Variants in SP110 observed in about 807,000 individuals in gnomAD.
The protein encoded by SP110 is SP110 nuclear body protein, also known as interferon-induced protein 41, 30kD.
In SP110, 62 loss-of-function variants were observed where a neutral mutation model predicts 92.7. The ratio of observed to expected loss-of-function variants is 0.67; its 90% CI spans 0.55 to 0.83. The LOEUF (loss-of-function observed/expected upper bound fraction) is 0.83. Among genes scored for constraint, SP110 ranks in the 40% least tolerant of loss-of-function variants. SP110 has a pLI of 0.00. For missense variants in SP110, 793 were observed against 863.9 expected (o/e 0.92, Z 1.03); for synonymous variants, 273 against 305.3 (o/e 0.89, Z 1.10).
intron 10 of SP110, among the ~76,000 whole-genome samples, chr2:230,191,190 A>G (rs983131221): frequency 6.6e-6 from 1 of 152,208 alleles, no homozygotes; most frequent in Non-Finnish European, 1.5e-5. Context: ...AGGAAGCTAG[A>G]AAGATCTCAA....
chr2:230,216,306 T>TA (rs1292854491), intron 2 of SP110, among the ~76,000 whole-genome samples: 1 of 152,216 alleles, frequency 6.6e-6, no homozygotes, highest in African/African-American at 2.4e-5. Flanking sequence ...AGGGTGACCC[T>TA]AAATCCAAGT....
upstream of SP110, among the ~76,000 whole-genome samples, chr2:230,220,553 C>G (rs1157621934): frequency 6.6e-6 from 1 of 152,126 alleles, no homozygotes; most frequent in Admixed American, 6.5e-5. Flanking sequence ...AGAAAAATGG[C>G]TGAGAGCTGG....
At chr2:230,198,850 G>A (rs1294179659) in intron 10 of SP110, among the ~76,000 whole-genome samples, 1 of 152,024 alleles carries the variant, frequency 6.6e-6, no homozygotes. Context: ...CACCCACCTC[G>A]GCCTCCCAAT....
At chr2:230,204,095 AAAAAACCTG>A (rs2148870522) in intron 8 of SP110, among the ~76,000 whole-genome samples, 1 of 152,296 alleles carries the variant, frequency 6.6e-6, no homozygotes, top group Admixed American at 6.5e-5. Context: ...CGATTCTTTT[AAAAAACCTG>A]AAAAATTTCA....
chr2:230,211,997 AT>A lies in SP110; in HGVS notation c.667+349del, dbSNP rs2044535115. Among the ~76,000 whole-genome samples the A allele has an allele frequency of 2.0e-5, 3 of 152,164 alleles. No individual in the cohort carries two copies. Among genetic ancestry groups the A allele is most frequent in the Non-Finnish European group, 4.4e-5 (3 of 68,028 alleles). ...TATTAGGTCTAGCAGACCTTTAAAC[AT>A]TTTATCATCTTTTCTAGTAATTTTG... is the stretch of plus-strand genomic sequence containing the variant. On this transcript the variant is annotated intron_variant, in intron 5 of 18. Coordinates refer to ENST00000258381, the MANE Select transcript of SP110 (RefSeq NM_080424.4). The surrounding 1 kb of genome is among the most constrained non-coding windows in gnomAD (Gnocchi z 4.2).
chr2:230,210,601 A>G (rs1355125987), intron 6 of SP110, among the ~76,000 whole-genome samples: 1 of 152,236 alleles, frequency 6.6e-6, no homozygotes, highest in Non-Finnish European at 1.5e-5. Flanking sequence ...AGAAAGCAGG[A>G]GCTAGCCTGT....
intron 9 of SP110, among the ~76,000 whole-genome samples, chr2:230,202,121 T>C (rs1376915780): frequency 6.6e-6 from 1 of 152,230 alleles, no homozygotes; most frequent in Non-Finnish European, 1.5e-5. Context: ...CACTAATTTT[T>C]TTTGTTTTAG....
chr2:230,217,110 G>A (rs1191850418), intron 1 of SP110, among the ~76,000 whole-genome samples, 182 bp from the exon 2 acceptor site: 1 of 152,114 alleles, frequency 6.6e-6, no homozygotes, highest in East Asian at 1.9e-4. Flanking sequence ...GCTGGGTGTG[G>A]TGGCGCACGC....
chr2:230,210,668 A>G (rs975268344), intron 6 of SP110, among the ~76,000 whole-genome samples: 39 of 152,330 alleles, frequency 2.6e-4, no homozygotes, highest in African/African-American at 9.1e-4. Context: ...TTTTTGCTGC[A>G]CAAAGAAAGA....
chr2:230,212,630 G>T (rs1467796279), intron 4 of SP110, 131 bp downstream of exon 4: 25 of 1,288,338 alleles, frequency 1.9e-5, no homozygotes, highest in Non-Finnish European at 2.6e-5. Context: ...CTTGAAAAGG[G>T]TTGTGTTTGG....
At chr2:230,201,491 A>G (rs1356991030) in intron 9 of SP110, among the ~76,000 whole-genome samples, 2 of 152,238 alleles carry the variant, frequency 1.3e-5, no homozygotes, top group African/African-American at 4.8e-5. Context: ...CAAAAAAAAT[A>G]AAAATAAAAG....
rs1177634158 is a variant in SP110 at position 230,182,169 on chromosome 2, A to T, written c.1348+1403T>A. Among the ~76,000 whole-genome samples the T allele has an allele frequency of 2.0e-5, 3 of 152,216 alleles. No individual in the cohort carries two copies. The East Asian group carries it at 5.8e-4, about 29-fold the overall frequency. On this transcript the variant is annotated intron_variant, in intron 12 of 18. Coordinates refer to ENST00000258381, the MANE Select transcript of SP110 (RefSeq NM_080424.4). ...ATGTCCTTTGCAGGGGCATGATTAC[A>T]GCTGGAAGCCATTATCCTCAGCAAA...
chr2:230,177,270 TTAGGTTCTTAC>T (rs2041907120), intron 14 of SP110: 2 of 477,884 alleles, frequency 4.2e-6, no homozygotes, highest in Admixed American at 6.8e-5. Context: ...TAGTTTCTTT[TTAGGTTCTTAC>T]ATCTCTCTTC....
chr2:230,186,012 G>A lies in SP110; in HGVS notation c.1261C>T (p.Arg421Ter), dbSNP rs927135298. Residue 421 changes from arginine to a stop codon, truncating the protein, a stop_gained, in exon 11 of 19, where the codon CGA becomes TGA. Transcript: ENST00000258381. LOFTEE classifies it high-confidence loss of function. ...GCCTTACCTTTCAATCTGGACTTTC[G>A]GGCACATTTAGTTCTTGCCTTTTGG... ...RVQKARTKCA[R>*]KSRLKEKKKE... The A allele has an allele frequency of 3.1e-6, 5 of 1,613,972 alleles. No individual in the cohort carries two copies. Among genetic ancestry groups the A allele is most frequent in the Non-Finnish European group, 4.2e-6 (5 of 1,179,946 alleles).
rs2106336861 is a variant in SP110 at position 230,168,899 on chromosome 2, G to C, written c.*225C>G. The C allele has an allele frequency of 2.2e-6, 1 of 451,582 alleles. No homozygotes were observed. The highest frequency in any genetic ancestry group is 4.0e-5 in the East Asian group (1 of 25,220). 28.0% of individuals were successfully genotyped at this position (451,582 alleles called of 1,614,324 possible). On this transcript the variant is annotated 3_prime_UTR_variant, in exon 19 of 19. Coordinates refer to ENST00000258381, the MANE Select transcript of SP110 (RefSeq NM_080424.4). Reference sequence around the variant, plus strand: ...TGTGAACTATGATGGGGTATCTGATGGTATTAAGGAAGTATTAATTTTTTT... The same window carrying C: ...TGTGAACTATGATGGGGTATCTGATCGTATTAAGGAAGTATTAATTTTTTT...
Position 230,180,421 on chromosome 2 carries a change from A to C in SP110, c.1349-2166T>G, listed in dbSNP as rs1440159576. On this transcript the variant is annotated intron_variant, in intron 12 of 18. Transcript: ENST00000258381. ...TGATGTATACATGAGGGGTCTGGGG[A>C]GGGGATGATTGGGGGTGGAGATGGG... Among the ~76,000 whole-genome samples the C allele has an allele frequency of 5.1e-5, 3 of 58,870 alleles. No homozygotes were observed. In the Admixed American group the frequency reaches 7.5e-4, roughly 15 times the overall value. 38.6% of individuals were successfully genotyped at this position (58,870 alleles called of 152,430 possible). A position where few individuals can be genotyped will look rare whatever the true frequency, so the allele number is the denominator to read the frequency against.
Position 230,200,940 on chromosome 2 carries a change from C to A in SP110, c.1074G>T (p.Met358Ile). ...SEEIIDGTSE[M>I]NEGKRSQKTP... ...TCTTCTGGGACCTCTTTCCTTCATT[C>A]ATTTCTGAAGTGCCATCAATGATCT... Residue 358 changes from methionine to isoleucine, a missense_variant, in exon 10 of 19, where the codon ATG becomes ATT. By Grantham distance (10) the Met-to-Ile change is conservative. Transcript: ENST00000258381. 1 of 1,613,838 alleles carries A rather than the reference C, an allele frequency of 6.2e-7. No homozygotes were observed. Among genetic ancestry groups the A allele is most frequent in the Non-Finnish European group, 8.5e-7 (1 of 1,179,704 alleles).
At chr2:230,199,401 G>T (rs549527324) in intron 10 of SP110, among the ~76,000 whole-genome samples, 70 of 151,348 alleles carry the variant, frequency 4.6e-4, no homozygotes, top group Non-Finnish European at 8.4e-4. Context: ...TAGAGACAGG[G>T]TTTCATCATG....
intron 10 of SP110, among the ~76,000 whole-genome samples, chr2:230,199,553 T>C (rs1574659885): frequency 6.6e-6 from 1 of 152,050 alleles, no homozygotes; most frequent in South Asian, 2.1e-4. Context: ...TTTAGAAAAG[T>C]CCAGGAACTT....
Sources: allele counts gnomAD v4.1 joint callset (sites outside exome capture counted in the v4.1 genomes callset), GRCh38; gene constraint gnomAD v4.1.1; non-coding constraint Gnocchi (gnomAD v3.1); transcripts MANE v1.5; gene names NCBI Gene and HGNC (gene_info 2026-07-23, HGNC 2026-07-21).